The following TEX36 variants were observed in gnomAD, a reference collection of about 807,000 sequenced individuals.
TEX36 encodes the protein testis-expressed protein 36.
In TEX36, 12 loss-of-function variants were observed where a neutral mutation model predicts 13.6. The ratio of observed to expected loss-of-function variants is 0.88; its 90% CI spans 0.56 to 1.43. The LOEUF is 1.43. TEX36 is among the 40% of genes most tolerant of loss of function. The pLI is 0.00. For synonymous variants in TEX36, 93 were observed against 83.0 expected, an observed-to-expected ratio of 1.12 and a Z score of -0.65; for missense variants, 224 against 228.3, an observed-to-expected ratio of 0.98 and a Z score of 0.12.
chr10:125,608,625 C>T (rs1846246755), intron 3 of TEX36, among the ~76,000 whole-genome samples: 1 of 152,020 alleles, frequency 6.6e-6, no homozygotes, highest in South Asian at 2.1e-4. Flanking sequence ...AACTAGACTG[C>T]CCCCTGGAGC....
At chr10:125,623,949 C>A (rs767762076) in intron 3 of TEX36, among the ~76,000 whole-genome samples, 47 of 152,294 alleles carry the variant, frequency 3.1e-4, no homozygotes, top group Non-Finnish European at 4.1e-4. Context: ...AGTGGACACA[C>A]GTGTGAGCGT....
intron 1 of TEX36, chr10:125,667,877 G>A: frequency 6.6e-7 from 1 of 1,517,444 alleles, no homozygotes. Context: ...CTTGCCCAGT[G>A]CCACGATGCG....
chr10:125,670,134 T>C (rs1389270219), intron 1 of TEX36, among the ~76,000 whole-genome samples: 1 of 152,236 alleles, frequency 6.6e-6, no homozygotes, highest in African/African-American at 2.4e-5. Context: ...CTGGATCAAA[T>C]GGTATTTCTG....
chr10:125,607,660 C>T (rs1461204006), intron 3 of TEX36, among the ~76,000 whole-genome samples: 1 of 152,010 alleles, frequency 6.6e-6, no homozygotes, highest in African/African-American at 2.4e-5. Flanking sequence ...TTACATGTGA[C>T]TCCCCGACTA....
At chr10:125,679,787 C>G (rs1170185962) in intron 1 of TEX36, among the ~76,000 whole-genome samples, 1 of 152,216 alleles carries the variant, frequency 6.6e-6, no homozygotes, top group Non-Finnish European at 1.5e-5. Flanking sequence ...TTTGGTTCTT[C>G]TAAGTGGGAT....
At chr10:125,604,744 A>T (rs1846194703) in intron 3 of TEX36, among the ~76,000 whole-genome samples, 1 of 152,204 alleles carries the variant, frequency 6.6e-6, no homozygotes, top group East Asian at 1.9e-4. Flanking sequence ...CCCAGGAGGC[A>T]GAGGTTGCAG....
intron 3 of TEX36, among the ~76,000 whole-genome samples, chr10:125,645,604 T>C (rs1435199614): frequency 8.5e-5 from 13 of 152,234 alleles, no homozygotes; most frequent in Non-Finnish European, 8.8e-5. Context: ...ACTTGTAGTT[T>C]ATAATTTTAC....
chr10:125,582,386 C>T (rs796131335), intron 3 of TEX36, among the ~76,000 whole-genome samples: 6 of 152,330 alleles, frequency 3.9e-5, no homozygotes, highest in African/African-American at 1.4e-4. Flanking sequence ...GGTGAGGTGG[C>T]TGCCAGCTCC....
At chr10:125,647,106 T>G (rs1846781608) in intron 3 of TEX36, among the ~76,000 whole-genome samples, 1 of 152,184 alleles carries the variant, frequency 6.6e-6, no homozygotes, top group East Asian at 1.9e-4. Flanking sequence ...TGGCTGAAGT[T>G]TAGAAAATCC....
chr10:125,576,959 C>T (rs1845832198), intron 3 of TEX36: 1 of 1,498,374 alleles, frequency 6.7e-7, no homozygotes, highest in Non-Finnish European at 9.0e-7. Flanking sequence ...GAAAGGGGGC[C>T]TTATTCTCCC....
chr10:125,653,523 A>T (rs1589774959), downstream of TEX36, among the ~76,000 whole-genome samples: 1 of 151,634 alleles, frequency 6.6e-6, no homozygotes, highest in Non-Finnish European at 1.5e-5. Flanking sequence ...GCATTAGGAG[A>T]TATACCTAAT....
chr10:125,676,256 G>A (rs997531184), intron 1 of TEX36, among the ~76,000 whole-genome samples: 4 of 152,108 alleles, frequency 2.6e-5, no homozygotes, highest in Admixed American at 2.6e-4. Context: ...CATTTCTTTG[G>A]ATCTAATAAT....
intron 3 of TEX36, among the ~76,000 whole-genome samples, chr10:125,606,002 G>T (rs927428427): frequency 6.6e-5 from 10 of 152,144 alleles, no homozygotes; most frequent in Admixed American, 5.9e-4. Flanking sequence ...ATGCATTTAA[G>T]TCATTCATCT....
At chr10:125,593,534 A>C (rs1026224094) in intron 3 of TEX36, among the ~76,000 whole-genome samples, 1 of 152,226 alleles carries the variant, frequency 6.6e-6, no homozygotes, top group Admixed American at 6.5e-5. Context: ...CAAACAGGCT[A>C]ATACATTAGA....
At chr10:125,600,549 A>G (rs1203591128) in intron 3 of TEX36, among the ~76,000 whole-genome samples, 2 of 152,260 alleles carry the variant, frequency 1.3e-5, no homozygotes, top group East Asian at 3.9e-4. Flanking sequence ...ATTACTTAAA[A>G]TCAGAAAAAA....
downstream of TEX36, among the ~76,000 whole-genome samples, chr10:125,617,741 T>C (rs957480632): frequency 6.6e-6 from 1 of 152,204 alleles, no homozygotes; most frequent in African/African-American, 2.4e-5. Flanking sequence ...ATTTCAACTT[T>C]GGTGAATCTG....
intron 3 of TEX36, among the ~76,000 whole-genome samples, chr10:125,639,609 G>C (rs1018123271): frequency 6.6e-6 from 1 of 151,064 alleles, no homozygotes; most frequent in Admixed American, 6.6e-5. Context: ...ATGTGGGGGG[G>C]TGGGGGAAGC....
At chr10:125,618,969 AAATAC>A (rs1846394322), downstream of TEX36, among the ~76,000 whole-genome samples, 2 of 145,146 alleles carry the variant, frequency 1.4e-5, no homozygotes, top group African/African-American at 5.3e-5. Flanking sequence ...AAAAAAAAAA[AAATAC>A]AAAAAATTAG....
chr10:125,612,278 T>C (rs1846299457), intron 3 of TEX36, among the ~76,000 whole-genome samples: 1 of 139,672 alleles, frequency 7.2e-6, no homozygotes, highest in South Asian at 2.9e-4. Flanking sequence ...GAGATAGGAT[T>C]TCACCGTATT....
Sources: allele counts gnomAD v4.1 joint callset (sites outside exome capture counted in the v4.1 genomes callset), GRCh38; gene constraint gnomAD v4.1.1; transcripts MANE v1.5; gene names NCBI Gene and HGNC (gene_info 2026-07-23, HGNC 2026-07-21).